The following ZNF502 variants were observed in gnomAD, a reference collection of about 807,000 sequenced individuals.
The protein encoded by ZNF502 is zinc finger protein 502.
In ZNF502, 29 loss-of-function variants were observed where a neutral mutation model predicts 43.6. That is an observed-to-expected ratio of 0.67 (90% CI 0.50 to 0.91). The LOEUF (loss-of-function observed/expected upper bound fraction) is 0.91, where lower values mean the gene tolerates loss of function less well. Among genes scored for constraint, ZNF502 ranks in the 40% least tolerant of loss-of-function variants. ZNF502 has a pLI of 0.00. For synonymous variants in ZNF502, 171 were observed against 207.4 expected (o/e 0.82, Z 1.51); for missense variants, 591 against 647.2 (o/e 0.91, Z 0.94).
At chr3:44,713,006 G>A (rs1323501579) in intron 1 of ZNF502, among the ~76,000 whole-genome samples, 2 of 152,232 alleles carry the variant, frequency 1.3e-5, no homozygotes, top group Admixed American at 6.5e-5. Flanking sequence ...GAATGAATGA[G>A]TGAATGAGTG....
In ZNF502 at chr3:44,721,639, G is replaced by C; in HGVS notation, c.822G>C (p.Lys274Asn). 6.2e-7 allele frequency: 1 copy of C among 1,614,024 alleles called. No homozygotes were observed. Residue 274 changes from lysine to asparagine, a missense_variant, in exon 3 of 3, where the codon AAG (lysine) becomes AAC (asparagine). Physicochemically the swap from Lys to Asn is moderately conservative, Grantham distance 94 (BLOSUM62 0). Coordinates refer to ENST00000436624, the MANE Select transcript of ZNF502 (RefSeq NM_001134442.3). ...EKPYKCNRCGKAFNQNTHLIH... is the reference protein window; with the variant it reads ...EKPYKCNRCGNAFNQNTHLIH... ...CTTATAAATGCAATAGGTGTGGGAAGGCATTCAATCAGAATACACACCTTA... is the reference window on the plus strand; with the variant it reads ...CTTATAAATGCAATAGGTGTGGGAACGCATTCAATCAGAATACACACCTTA...
At position 44,722,554 on chromosome 3, in the gene ZNF502, C is replaced by A. The variant is rs1431545649; in HGVS notation, c.*102C>A. On this transcript the variant is annotated 3_prime_UTR_variant, in exon 3 of 3. Coordinates refer to ENST00000436624, the MANE Select transcript of ZNF502 (RefSeq NM_001134442.3). ...GTTCCTGGAGGGAAGGATGAAGGAG[C>A]CTTGGCTACTGTACTCTGAGAGGAA... 1.4e-6 allele frequency: 2 copies of A among 1,405,382 alleles called. No homozygotes were observed. Among genetic ancestry groups the A allele is most frequent in the Admixed American group, 2.2e-5 (1 of 44,644 alleles). The allele number at this position is 1,405,382 out of a possible 1,614,324, so 87.1% of individuals were successfully genotyped here. A position where few individuals can be genotyped will look rare whatever the true frequency, so the allele number is the denominator to read the frequency against.
chr3:44,719,435 T>C (rs1220168220), intron 1 of ZNF502, among the ~76,000 whole-genome samples: 2 of 152,244 alleles, frequency 1.3e-5, no homozygotes, highest in Non-Finnish European at 2.9e-5. Context: ...CCCTTTTTCC[T>C]TGAATAATGC....
In ZNF502 at chr3:44,721,151, T is replaced by C. The variant is rs772433082; in HGVS notation, c.334T>C (p.Ser112Pro). 1.2e-6 allele frequency: 2 copies of C among 1,614,030 alleles called. No individual in the cohort carries two copies. The highest frequency in any genetic ancestry group is 8.5e-7 in the Non-Finnish European group (1 of 1,180,036). Residue 112 changes from serine (S) to proline (P), a missense_variant, in exon 3 of 3, where the codon TCA (serine) becomes CCA (proline). Transcript: ENST00000436624. ...TTTTGAGAAAAGCTTGCTTTTGACC[T>C]CAAGCCTTGTTACACGTCTCAGGGT... ...YNFEKSLLLTSSLVTRLRVST... is the reference protein window; with the variant it reads ...YNFEKSLLLTPSLVTRLRVST...
chr3:44,714,787 A>G (rs1273093283), intron 1 of ZNF502: 3 of 152,242 alleles, frequency 2.0e-5, no homozygotes, highest in Admixed American at 6.5e-5. Context: ...TAACTCATCA[A>G]GGATTCACAG....
At chr3:44,719,426 C>G (rs1438473044) in intron 1 of ZNF502, among the ~76,000 whole-genome samples, 2 of 152,164 alleles carry the variant, frequency 1.3e-5, no homozygotes, top group Non-Finnish European at 2.9e-5. Flanking sequence ...CTGGATCTTC[C>G]CTTTTTCCTT....
At position 44,721,750 on chromosome 3, in the gene ZNF502, G is replaced by A. The variant is rs761629562; in HGVS notation, c.933G>A (p.Thr311=). 6.1e-5 allele frequency: 98 copies of A among 1,612,142 alleles called. 3 individuals carry two copies. Among genetic ancestry groups the A allele is most frequent in the South Asian group, 5.4e-4 (49 of 90,946 alleles). ...CTTTTCGAAAACACTCAAATCTTACGCAACATCAGAGAATTCACACTGGGG... is the reference window on the plus strand; with the variant it reads ...CTTTTCGAAAACACTCAAATCTTACACAACATCAGAGAATTCACACTGGGG... ...GSSFRKHSNL[T]QHQRIHTGEK... The change falls in exon 3 of 3, where the codon ACG becomes ACA. Residue 311 remains threonine, a synonymous_variant. Transcript: ENST00000436624.
At chr3:44,719,485 T>G (rs1013852472) in intron 1 of ZNF502, among the ~76,000 whole-genome samples, 1 of 152,254 alleles carries the variant, frequency 6.6e-6, no homozygotes, top group Non-Finnish European at 1.5e-5. Flanking sequence ...AATGGAGAGA[T>G]ATTTTTGAGT....
chr3:44,716,721 T>A (rs892170839), intron 1 of ZNF502, among the ~76,000 whole-genome samples: 1 of 152,250 alleles, frequency 6.6e-6, no homozygotes, highest in Non-Finnish European at 1.5e-5. Context: ...CCTGTACCTT[T>A]GTGAATCTTG....
intron 1 of ZNF502, among the ~76,000 whole-genome samples, chr3:44,715,896 A>G (rs1704131029): frequency 6.6e-6 from 1 of 152,138 alleles, no homozygotes; most frequent in African/African-American, 2.4e-5. Flanking sequence ...ACATTATATT[A>G]CTACTTGAAA....
Position 44,720,195 on chromosome 3 carries a change from A to G in ZNF502, c.-59-8A>G, listed in dbSNP as rs1190414774. The G allele has an allele frequency of 1.3e-5, 21 of 1,576,942 alleles. No homozygotes were observed. Among genetic ancestry groups the G allele is most frequent in the Non-Finnish European group, 1.8e-5 (21 of 1,146,422 alleles). On this transcript the variant is annotated splice_region_variant and splice_polypyrimidine_tract_variant and intron_variant, in intron 1 of 2. Transcript: ENST00000436624. ...CTCCCTCCCTGCACCTTTTCTCCCCATGAGCAGGGTTCCCAGTTTTCCAGA... is the reference window on the plus strand; with the variant it reads ...CTCCCTCCCTGCACCTTTTCTCCCCGTGAGCAGGGTTCCCAGTTTTCCAGA...
Position 44,713,744 on chromosome 3 carries a change from C to T in ZNF502, c.-60+1004C>T, listed in dbSNP as rs1704079545. On this transcript the variant is annotated intron_variant, in intron 1 of 2. Transcript: ENST00000436624. ...TACAGGCATGCGCCACCACACCTGG[C>T]TAATTTTGTATTTTTAGTAGAAACG... Among the ~76,000 whole-genome samples the T allele has an allele frequency of 2.6e-5, 4 of 152,112 alleles. No homozygotes were observed. The South Asian group carries it at 8.3e-4, about 32-fold the overall frequency.
Position 44,722,657 on chromosome 3 carries a change from A to G in ZNF502, c.*205A>G, listed in dbSNP as rs1197512339. ...GGGCATCTGGGAATACAGGGTAGAA[A>G]GAAATTCCTGCTTTTCAGATAAAGC... On this transcript the variant is annotated 3_prime_UTR_variant, in exon 3 of 3. Coordinates refer to ENST00000436624, the MANE Select transcript of ZNF502 (RefSeq NM_001134442.3). 5.1e-6 allele frequency: 3 copies of G among 586,936 alleles called. No individual in the cohort carries two copies. In the Admixed American group the frequency reaches 9.4e-5, roughly 18 times the overall value. 36.4% of individuals were successfully genotyped at this position (586,936 alleles called of 1,614,324 possible). A position where few individuals can be genotyped will look rare whatever the true frequency, so the allele number is the denominator to read the frequency against.
Position 44,722,506 on chromosome 3 carries a change from CTG to C in ZNF502, c.*55_*56del. The C allele has an allele frequency of 6.5e-7, 1 of 1,548,962 alleles. No homozygotes were observed. Among genetic ancestry groups the C allele is most frequent in the Non-Finnish European group, 8.7e-7 (1 of 1,153,170 alleles). ...CTAGCGAGGATGACTACGAATCTGA[CTG>C]GGAGTAGAGGGGCAGGTAGAGTTCC... On this transcript the variant is annotated 3_prime_UTR_variant, in exon 3 of 3. Coordinates refer to ENST00000436624, the MANE Select transcript of ZNF502 (RefSeq NM_001134442.3).
intron 1 of ZNF502, among the ~76,000 whole-genome samples, chr3:44,717,250 TTATC>T (rs1219922776): frequency 1.3e-5 from 2 of 152,126 alleles, no homozygotes; most frequent in Non-Finnish European, 2.9e-5. Flanking sequence ...GATTTATGAA[TTATC>T]TATCTTTTTG....
intron 1 of ZNF502, among the ~76,000 whole-genome samples, chr3:44,718,531 G>C (rs1214111294): frequency 6.6e-6 from 1 of 152,146 alleles, no homozygotes; most frequent in Non-Finnish European, 1.5e-5. Flanking sequence ...GTTTGAACTG[G>C]CTTGCCTCAG....
In ZNF502 at chr3:44,721,081, C is replaced by G. The variant is rs753582149; in HGVS notation, c.264C>G (p.Phe88Leu). The change falls in exon 3 of 3, where the codon TTC (phenylalanine) becomes TTG (leucine). Residue 88 changes from phenylalanine (F) to leucine (L), a missense_variant. Physicochemically the swap from Phe to Leu is conservative, Grantham distance 22 (BLOSUM62 0). Transcript: ENST00000436624. ...AAGGAGGTTTTGGGAGAATAACTTT[C>G]ATCCACAAAGAAGCACCCCCTGAAA... ...FQEGGFGRIT[F>L]IHKEAPPEII... The G allele has an allele frequency of 6.2e-7, 1 of 1,614,158 alleles. No individual in the cohort carries two copies. Among genetic ancestry groups the G allele is most frequent in the South Asian group, 1.1e-5 (1 of 91,090 alleles).
intron 1 of ZNF502, among the ~76,000 whole-genome samples, chr3:44,716,344 C>T (rs888322146): frequency 2.0e-4 from 31 of 152,026 alleles, no homozygotes; most frequent in Non-Finnish European, 3.5e-4. Context: ...CCTGCCACTG[C>T]GCCCGGCTAA....
At chr3:44,716,135 ACTT>A (rs1704136271) in intron 1 of ZNF502, among the ~76,000 whole-genome samples, 1 of 151,870 alleles carries the variant, frequency 6.6e-6, no homozygotes, top group Admixed American at 6.6e-5. Flanking sequence ...CTGGAAATTT[ACTT>A]CTTTCTGAGA....
Sources: gnomAD v4.1 joint callset for allele counts (sites outside exome capture counted in the v4.1 genomes callset) on GRCh38, gnomAD v4.1.1 for gene constraint, MANE v1.5 for transcripts, NCBI Gene and HGNC (gene_info 2026-07-23, HGNC 2026-07-21) for gene names.